INO80: variants seen among roughly 807,000 people sequenced by gnomAD.
The protein encoded by INO80 is chromatin-remodeling ATPase INO80.
Under a neutral mutation model 203.4 loss-of-function variants are expected in INO80, and 20 were observed. The ratio of observed to expected loss-of-function variants is 0.10; its 90% CI spans 0.07 to 0.14. The LOEUF is 0.14. Ranked by LOEUF, INO80 falls within the 10% of genes least tolerant of loss-of-function variation. INO80 has a pLI of 1.00. For missense variants in INO80, 1,419 were observed against 1,914.4 expected (o/e 0.74, Z 4.83); for synonymous variants, 726 against 685.2 (o/e 1.06, Z -0.93).
chr15:41,032,963 G>A (rs1303895157), intron 24 of INO80, among the ~76,000 whole-genome samples: 4 of 152,076 alleles, frequency 2.6e-5, no homozygotes, highest in African/African-American at 7.2e-5. Flanking sequence ...ACTTGAACCC[G>A]GGAGGCGGAG....
At chr15:41,029,860 T>C (rs2044433354) in intron 24 of INO80, among the ~76,000 whole-genome samples, 1 of 152,250 alleles carries the variant, frequency 6.6e-6, no homozygotes, top group Admixed American at 6.5e-5. Context: ...ACATCAGCAG[T>C]AGCCCATCTT....
chr15:41,071,837 T>A lies in INO80; in HGVS notation c.1605+12A>T, dbSNP rs2045323488. 6.3e-7 allele frequency: 1 copy of A among 1,589,890 alleles called. No individual in the cohort carries two copies. The highest frequency in any genetic ancestry group is 1.3e-5 in the African/African-American group (1 of 74,356). ...AGATAATAGAAGAGAATGACACGGT[T>A]CTAAAATTCACCTGTTCATATAGAT... On this transcript the variant is annotated intron_variant, in intron 12 of 35. Coordinates refer to ENST00000648947, the MANE Select transcript of INO80 (RefSeq NM_017553.3).
At chr15:41,089,457 A>G (rs1413057285) in intron 5 of INO80, among the ~76,000 whole-genome samples, 1 of 152,202 alleles carries the variant, frequency 6.6e-6, no homozygotes, top group African/African-American at 2.4e-5. Context: ...ACTTGTAGAA[A>G]TAGTCAGAAG....
intron 1 of INO80, among the ~76,000 whole-genome samples, chr15:41,113,457 A>G (rs2045985735): frequency 6.6e-6 from 1 of 152,000 alleles, no homozygotes; most frequent in Non-Finnish European, 1.5e-5. Flanking sequence ...TGGTAGAGTC[A>G]GAGTTTAACC....
chr15:41,015,389 C>T (rs577237342), intron 27 of INO80, among the ~76,000 whole-genome samples: 2 of 152,274 alleles, frequency 1.3e-5, no homozygotes, highest in African/African-American at 4.8e-5. Flanking sequence ...AGTTGAGAAT[C>T]ACTATATTAA....
Position 40,979,264 on chromosome 15 carries a change from C to T in INO80, c.*959G>A, listed in dbSNP as rs957717595. 6 of 152,676 alleles carry T rather than the reference C, an allele frequency of 3.9e-5. No homozygotes were observed. The highest frequency in any genetic ancestry group is 6.5e-5 in the Admixed American group (1 of 15,288). 9.5% of individuals were successfully genotyped at this position (152,676 alleles called of 1,614,324 possible). A position where few individuals can be genotyped will look rare whatever the true frequency, so the allele number is the denominator to read the frequency against. Reference sequence around the variant, plus strand: ...AACACCTCCCATGCAAACACTGCCCCTCTGTCTCTACTGGAGGGCAGCAAG... The same window carrying T: ...AACACCTCCCATGCAAACACTGCCCTTCTGTCTCTACTGGAGGGCAGCAAG... On this transcript the variant is annotated 3_prime_UTR_variant, in exon 36 of 36. Coordinates refer to ENST00000648947, the MANE Select transcript of INO80 (RefSeq NM_017553.3).
At chr15:41,065,438 A>T (rs1341897427) in intron 14 of INO80, among the ~76,000 whole-genome samples, 1 of 151,592 alleles carries the variant, frequency 6.6e-6, no homozygotes, top group Non-Finnish European at 1.5e-5. Context: ...CTGTGTCATA[A>T]AACAAAAAAC....
intron 14 of INO80, among the ~76,000 whole-genome samples, chr15:41,065,118 A>T: frequency 6.6e-6 from 1 of 152,128 alleles, no homozygotes; most frequent in East Asian, 1.9e-4. Flanking sequence ...AAAAGTAAAA[A>T]CTATTCTTAG....
intron 23 of INO80, among the ~76,000 whole-genome samples, chr15:41,046,956 A>G (rs1439612261): frequency 6.9e-6 from 1 of 145,706 alleles, no homozygotes; most frequent in Non-Finnish European, 1.5e-5. Flanking sequence ...TTTTTTCTTG[A>G]GACGGAGTTT....
chr15:40,987,238 C>T, intron 30 of INO80, 45 bp from the exon 31 acceptor site: 1 of 1,144,356 alleles, frequency 8.7e-7, no homozygotes, highest in Non-Finnish European at 1.3e-6. Context: ...CATCCATTCC[C>T]TTATGGCAAA....
At chr15:41,037,231 G>A (rs1202992819) in intron 24 of INO80, among the ~76,000 whole-genome samples, 4 of 151,284 alleles carry the variant, frequency 2.6e-5, no homozygotes, top group African/African-American at 7.3e-5. Flanking sequence ...GCTTAAGGCC[G>A]GGCACGATGG....
chr15:41,040,546 A>G (rs565532907), intron 24 of INO80, among the ~76,000 whole-genome samples: 1 of 152,356 alleles, frequency 6.6e-6, no homozygotes, highest in Admixed American at 6.5e-5. Flanking sequence ...GAATTCTTCA[A>G]CAGGACACAA....
chr15:41,102,537 G>A (rs939798284), intron 1 of INO80, among the ~76,000 whole-genome samples: 4 of 151,812 alleles, frequency 2.6e-5, no homozygotes, highest in Non-Finnish European at 4.4e-5. Flanking sequence ...GTGTGGTGGC[G>A]GGTTTGCCTG....
intron 27 of INO80, among the ~76,000 whole-genome samples, chr15:41,014,433 T>C (rs1470621348): frequency 1.3e-5 from 2 of 152,196 alleles, no homozygotes; most frequent in Non-Finnish European, 1.5e-5. Flanking sequence ...GTTTTGGCTG[T>C]TGGGATCATC....
intron 7 of INO80, 87 bp downstream of exon 7, chr15:41,085,282 A>T: frequency 8.9e-7 from 1 of 1,127,518 alleles, no homozygotes; most frequent in Admixed American, 2.0e-5. Context: ...CCTATCTGTG[A>T]AAGTATCTAG....
intron 1 of INO80, among the ~76,000 whole-genome samples, chr15:41,107,322 G>A (rs1265391454): frequency 4.6e-5 from 7 of 152,108 alleles, no homozygotes; most frequent in Non-Finnish European, 1.0e-4. Flanking sequence ...TCAACAAGGT[G>A]AAACCCCATC....
In INO80 at chr15:41,078,196, C is replaced by G. The variant is rs567193711; in HGVS notation, c.1131+1505G>C. Among the ~76,000 whole-genome samples, 21 of 152,128 alleles carry G rather than the reference C, an allele frequency of 1.4e-4. 1 individual carries two copies. The highest frequency in any genetic ancestry group is 4.8e-4 in the African/African-American group (20 of 41,512). ...TACAGACGTGAGCCACCGCGCCCGG[C>G]CAAGAATAATATCTTTAACCCTAAA... On this transcript the variant is annotated intron_variant, in intron 9 of 35. Coordinates refer to ENST00000648947, the MANE Select transcript of INO80 (RefSeq NM_017553.3).
Position 40,980,015 on chromosome 15 carries a change from C to G in INO80, c.*208G>C, listed in dbSNP as rs553282424. ...GTGGGGCTGATCCATGCCCTGTGGC[C>G]TTCCTCCTACAGGCACCCCAGATGC... On this transcript the variant is annotated 3_prime_UTR_variant, in exon 36 of 36. Transcript: ENST00000648947. 3 of 590,052 alleles carry G rather than the reference C, an allele frequency of 5.1e-6. No homozygotes were observed. In the South Asian group the frequency reaches 6.0e-5, roughly 12 times the overall value. The allele number at this position is 590,052 out of a possible 1,614,324, so 36.6% of individuals were successfully genotyped here.
At chr15:41,064,643 A>G (rs1254429624) in intron 14 of INO80, among the ~76,000 whole-genome samples, 1 of 152,212 alleles carries the variant, frequency 6.6e-6, no homozygotes, top group Admixed American at 6.5e-5. Context: ...GTATCCTTAA[A>G]TGTACATCTA....
Sources: gnomAD v4.1 joint callset for allele counts (sites outside exome capture counted in the v4.1 genomes callset) on GRCh38, gnomAD v4.1.1 for gene constraint, MANE v1.5 for transcripts, NCBI Gene and HGNC (gene_info 2026-07-23, HGNC 2026-07-21) for gene names.